Variants in CLCN5 observed in about 807,000 individuals in gnomAD.
CLCN5 encodes the protein Cl-/H+ antiporter 5.
CLCN5 carries 17 observed loss-of-function variants against 54.0 expected under a neutral mutation model. The ratio of observed to expected loss-of-function variants is 0.31; its 90% CI spans 0.22 to 0.47. CLCN5 has a LOEUF of 0.47. Ranked by LOEUF, CLCN5 falls within the 20% of genes least tolerant of loss-of-function variation. The pLI is 1.00. For missense variants in CLCN5, 448 were observed against 646.7 expected, an observed-to-expected ratio of 0.69 and a Z score of 3.33; for synonymous variants, 222 against 233.0, an observed-to-expected ratio of 0.95 and a Z score of 0.43.
chrX:49,998,406 C>G (rs1929634731), intron 3 of CLCN5, among the ~76,000 whole-genome samples: 1 of 111,915 alleles, frequency 8.9e-6, no homozygotes. Flanking sequence ...ACCACCCCCT[C>G]TGCTCCTGCC....
At chrX:50,028,892 AT>A (rs1569539035) in intron 3 of CLCN5, among the ~76,000 whole-genome samples, 1 of 111,977 alleles carries the variant, frequency 8.9e-6, no homozygotes, top group African/African-American at 3.2e-5. Flanking sequence ...GAATTAATCA[AT>A]TTTTTGTCTT....
chrX:49,947,787 G>A (rs73490025), intron 3 of CLCN5, among the ~76,000 whole-genome samples: 8,526 of 110,695 alleles, frequency 0.077, 847 homozygotes, highest in African/African-American at 0.27. Context: ...CTAGCTACCA[G>A]TACCTATCTA....
intron 4 of CLCN5, among the ~76,000 whole-genome samples, chrX:50,066,201 G>GAAAAAAAAAAAAAAAAAA (rs1557190826): frequency 1.3e-5 from 1 of 78,099 alleles, no homozygotes; most frequent in African/African-American, 8.9e-5. Context: ...AAATTCCAGA[G>GAAAAAAAAAAAAAAAAAA]CAAAAAAAAA....
At chrX:49,942,403 T>G (rs1344134315) in intron 3 of CLCN5, among the ~76,000 whole-genome samples, 3 of 107,571 alleles carry the variant, frequency 2.8e-5, no homozygotes, top group East Asian at 5.8e-4. Flanking sequence ...CTAGGCAAAT[T>G]TTTAAAAATT....
intron 3 of CLCN5, among the ~76,000 whole-genome samples, chrX:49,980,646 G>A (rs1419874894): frequency 8.9e-6 from 1 of 111,929 alleles, no homozygotes; most frequent in Non-Finnish European, 1.9e-5. Context: ...TTTCTCTCCA[G>A]TATTTGTTTC....
chrX:50,089,985 A>G (rs973552707), intron 12 of CLCN5, 131 bp from the exon 13 acceptor site: 7 of 629,313 alleles, frequency 1.1e-5, no homozygotes, highest in South Asian at 7.2e-5. Flanking sequence ...CTTTCTTGCA[A>G]TCTCTGGGGT....
chrX:50,002,289 C>T (rs1339459476), intron 3 of CLCN5, among the ~76,000 whole-genome samples: 1 of 110,920 alleles, frequency 9.0e-6, no homozygotes, highest in Admixed American at 9.6e-5. Context: ...TATCTCAAAA[C>T]TTTAACACAT....
At chrX:49,999,957 A>G (rs545749528) in intron 3 of CLCN5, among the ~76,000 whole-genome samples, 1 of 111,596 alleles carries the variant, frequency 9.0e-6, no homozygotes, top group South Asian at 3.8e-4. Flanking sequence ...GCTAGGATTC[A>G]TCAGTGAGCA....
rs556010180 is a variant in CLCN5, at chrX:50,075,274, C to T, written c.416-521C>T. 8.1e-5 allele frequency among the ~76,000 whole-genome samples: 9 copies of T among 110,987 alleles called. No individual in the cohort carries two copies. The South Asian group carries it at 3.5e-3, about 43-fold the overall frequency. ...ACAATCCTACTATTAAGGCTTAGCC[C>T]TTCTCCCCATAATCTTCGTCAGCTC... On this transcript the variant is annotated intron_variant, in intron 6 of 14. Coordinates refer to ENST00000376091, the MANE Select transcript of CLCN5 (RefSeq NM_001127898.4).
chrX:50,013,132 GTC>G (rs1236257325), intron 3 of CLCN5: 3 of 252,780 alleles, frequency 1.2e-5, no homozygotes, highest in South Asian at 4.5e-5. Flanking sequence ...ATCTCAATCT[GTC>G]TCTCTCTCAA....
intron 3 of CLCN5, among the ~76,000 whole-genome samples, chrX:49,965,836 T>C (rs1043209361): frequency 9.1e-6 from 1 of 110,489 alleles, no homozygotes; most frequent in Non-Finnish European, 1.9e-5. Flanking sequence ...AATGTTAGAT[T>C]TTCTCAAATG....
At chrX:49,925,109 T>A (rs1332643420) in intron 2 of CLCN5, 62 bp from the exon 3 acceptor site, 1 of 484,497 alleles carries the variant, frequency 2.1e-6, no homozygotes, top group Non-Finnish European at 3.6e-6. Context: ...CAGGAGATAA[T>A]TTTCAAGCAT....
intron 4 of CLCN5, chrX:50,069,612 A>G: frequency 1.1e-6 from 1 of 877,632 alleles, no homozygotes; most frequent in Non-Finnish European, 1.4e-6. Context: ...ATCCTTTCCC[A>G]TTGCACATCA....
intron 4 of CLCN5, among the ~76,000 whole-genome samples, chrX:50,050,720 T>A (rs782659331): frequency 4.9e-4 from 48 of 97,466 alleles, no homozygotes; most frequent in Non-Finnish European, 8.7e-4. Flanking sequence ...AGTGCAGTGG[T>A]TCCATCTCGC....
chrX:50,057,007 C>A (rs1932760803), intron 4 of CLCN5, among the ~76,000 whole-genome samples: 3 of 111,804 alleles, frequency 2.7e-5, no homozygotes, highest in East Asian at 5.7e-4. Flanking sequence ...GTGTTAGACA[C>A]CTTCAAGTTT....
intron 3 of CLCN5, among the ~76,000 whole-genome samples, chrX:50,000,202 C>T (rs1929729381): frequency 9.0e-6 from 1 of 110,545 alleles, no homozygotes; most frequent in African/African-American, 3.3e-5. Context: ...CATGTGCATA[C>T]ACTCATGATA....
intron 12 of CLCN5, among the ~76,000 whole-genome samples, chrX:50,089,226 A>G (rs1446440466): frequency 2.7e-5 from 3 of 112,087 alleles, no homozygotes; most frequent in Admixed American, 9.4e-5. Context: ...TAAATGAATT[A>G]TGGTACATCC....
At chrX:49,955,675 C>T (rs1335333312) in intron 3 of CLCN5, among the ~76,000 whole-genome samples, 1 of 111,733 alleles carries the variant, frequency 8.9e-6, no homozygotes, top group Non-Finnish European at 1.9e-5. Flanking sequence ...AACTATTAAA[C>T]TGACTTTCAA....
chrX:50,067,151 T>A (rs1364595954), intron 4 of CLCN5, among the ~76,000 whole-genome samples: 7 of 111,775 alleles, frequency 6.3e-5, no homozygotes, highest in Non-Finnish European at 3.8e-5. Context: ...ATGATATAAC[T>A]TGCTTGCCTG....
Sources: allele counts gnomAD v4.1 joint callset (sites outside exome capture counted in the v4.1 genomes callset), GRCh38; gene constraint gnomAD v4.1.1; transcripts MANE v1.5; gene names NCBI Gene and HGNC (gene_info 2026-07-23, HGNC 2026-07-21).